ZNF385B: variants seen among roughly 807,000 people sequenced by gnomAD.
ZNF385B encodes zinc finger protein 385B, also known as zinc finger protein 533.
In ZNF385B, 23 loss-of-function variants were observed where a neutral mutation model predicts 39.2. The ratio of observed to expected loss-of-function variants is 0.59; its 90% confidence interval spans 0.42 to 0.83. The LOEUF (loss-of-function observed/expected upper bound fraction) is 0.83, where lower values mean the gene tolerates loss of function less well. Among genes scored for constraint, ZNF385B ranks in the 40% least tolerant of loss-of-function variants. The pLI is 0.00. For synonymous variants in ZNF385B, 205 were observed against 222.6 expected, an observed-to-expected ratio of 0.92 and a Z score of 0.70; for missense variants, 552 against 598.9, an observed-to-expected ratio of 0.92 and a Z score of 0.82.
chr2:179,654,001 G>A (rs1238030533), intron 3 of ZNF385B, among the ~76,000 whole-genome samples: 1 of 152,180 alleles, frequency 6.6e-6, no homozygotes, highest in Non-Finnish European at 1.5e-5. Context: ...GAAGGGTTAT[G>A]GGTCTGCCTC....
At chr2:179,587,067 A>T (rs1228938915) in intron 3 of ZNF385B, among the ~76,000 whole-genome samples, 1 of 152,018 alleles carries the variant, frequency 6.6e-6, no homozygotes, top group Non-Finnish European at 1.5e-5. Context: ...AATTATGTAT[A>T]ATTTTACTTT....
intron 3 of ZNF385B, among the ~76,000 whole-genome samples, chr2:179,749,486 C>G (rs1397516456): frequency 1.3e-5 from 2 of 152,242 alleles, no homozygotes; most frequent in South Asian, 2.1e-4. Context: ...ATATGGTCAG[C>G]TGTAACATTC....
At chr2:179,627,806 G>GTT (rs71401751) in intron 3 of ZNF385B, among the ~76,000 whole-genome samples, 30 of 150,744 alleles carry the variant, frequency 2.0e-4, no homozygotes, top group Admixed American at 4.6e-4. Context: ...TATTGATCAA[G>GTT]TTTTTTTTTT....
At chr2:179,463,168 A>G (rs950737180) in intron 6 of ZNF385B, among the ~76,000 whole-genome samples, 1 of 152,078 alleles carries the variant, frequency 6.6e-6, no homozygotes, top group African/African-American at 2.4e-5. Context: ...TGGAAGTTTT[A>G]TCCTTGTTCT....
intron 1 of ZNF385B, among the ~76,000 whole-genome samples, chr2:179,842,581 G>A (rs1575587160): frequency 6.6e-6 from 1 of 152,084 alleles, no homozygotes; most frequent in Admixed American, 6.6e-5. Context: ...CTCTTTCATA[G>A]ATTGAGTTTC....
At chr2:179,761,752 TTTTC>T in intron 3 of ZNF385B, among the ~76,000 whole-genome samples, 2 of 140,284 alleles carry the variant, frequency 1.4e-5, no homozygotes, top group Admixed American at 1.6e-4. Context: ...CTAACATTTT[TTTTC>T]TTTTCTTTTT....
intron 3 of ZNF385B, among the ~76,000 whole-genome samples, chr2:179,686,834 T>C (rs1697958864): frequency 6.6e-6 from 1 of 152,138 alleles, no homozygotes; most frequent in Non-Finnish European, 1.5e-5. Flanking sequence ...TGTTTAGAAA[T>C]ACATATCTTA....
chr2:179,574,596 A>C (rs1685595140), intron 3 of ZNF385B, among the ~76,000 whole-genome samples: 1 of 152,158 alleles, frequency 6.6e-6, no homozygotes, highest in Non-Finnish European at 1.5e-5. Context: ...GTAGCTACTT[A>C]CAGGAAAAGA....
chr2:179,529,054 C>A (rs560838047), intron 4 of ZNF385B, among the ~76,000 whole-genome samples: 1 of 152,194 alleles, frequency 6.6e-6, no homozygotes, highest in Admixed American at 6.5e-5. Flanking sequence ...CACTAACACA[C>A]AACACCCAGC....
In ZNF385B at chr2:179,582,508, G is replaced by T. The variant is rs115007591; in HGVS notation, c.299-37539C>A. On this transcript the variant is annotated intron_variant, in intron 3 of 9. Transcript: ENST00000410066. ...ATAACTCAGAAACAGATCAGATGGG[G>T]TTTTTTGAGTGTGCGCTCTCTTCCC... Among the ~76,000 whole-genome samples, 350 of 152,238 alleles carry T rather than the reference G, an allele frequency of 2.3e-3. 1 individual carries two copies. Among genetic ancestry groups the T allele is most frequent in the African/African-American group, 8.0e-3 (333 of 41,550 alleles).
intron 3 of ZNF385B, among the ~76,000 whole-genome samples, chr2:179,725,427 G>C (rs1238895281): frequency 6.6e-6 from 1 of 151,486 alleles, no homozygotes; most frequent in African/African-American, 2.4e-5. Flanking sequence ...AAACACATAC[G>C]TGCATGTATA....
chr2:179,683,383 A>G (rs1697681209), intron 3 of ZNF385B, among the ~76,000 whole-genome samples: 1 of 152,056 alleles, frequency 6.6e-6, no homozygotes, highest in Non-Finnish European at 1.5e-5. Flanking sequence ...GAGTGTCTCA[A>G]AAAAGAAAAA....
chr2:179,837,426 TGTTA>T (rs1294914962), intron 1 of ZNF385B, among the ~76,000 whole-genome samples: 1 of 152,232 alleles, frequency 6.6e-6, no homozygotes, highest in Non-Finnish European at 1.5e-5. Context: ...AAAGTATTAT[TGTTA>T]GTTAGTATTT....
At chr2:179,502,818 A>C (rs1186497855) in intron 5 of ZNF385B, among the ~76,000 whole-genome samples, 1 of 152,078 alleles carries the variant, frequency 6.6e-6, no homozygotes, top group African/African-American at 2.4e-5. Flanking sequence ...ACCAAGTCCA[A>C]TAGATTTTAC....
intron 3 of ZNF385B, among the ~76,000 whole-genome samples, chr2:179,711,754 A>G (rs1349200714): frequency 6.6e-6 from 1 of 152,024 alleles, no homozygotes; most frequent in Non-Finnish European, 1.5e-5. Context: ...TGGTATATAA[A>G]CTGCATTTTT....
intron 3 of ZNF385B, among the ~76,000 whole-genome samples, chr2:179,656,706 AT>A (rs1166511271): frequency 6.6e-6 from 1 of 151,882 alleles, no homozygotes; most frequent in Non-Finnish European, 1.5e-5. Context: ...CTTCTTAGAC[AT>A]TTTTTTCATA....
At chr2:179,531,456 C>T (rs1276556599) in intron 4 of ZNF385B, among the ~76,000 whole-genome samples, 9 of 151,814 alleles carry the variant, frequency 5.9e-5, no homozygotes, top group Non-Finnish European at 1.0e-4. Context: ...GCCAACATGG[C>T]AAAACCCCAT....
intron 3 of ZNF385B, among the ~76,000 whole-genome samples, chr2:179,565,791 C>T (rs1472160047): frequency 6.6e-6 from 1 of 152,262 alleles, no homozygotes; most frequent in East Asian, 1.9e-4. Flanking sequence ...GAAGCCTTCC[C>T]TCTTTTTTCA....
At chr2:179,511,529 A>G (rs1244915339) in intron 5 of ZNF385B, among the ~76,000 whole-genome samples, 2 of 152,230 alleles carry the variant, frequency 1.3e-5, no homozygotes, top group African/African-American at 4.8e-5. Flanking sequence ...ATGCATAGTG[A>G]GGTGGTATTA....
Sources: gnomAD v4.1 joint callset for allele counts (sites outside exome capture counted in the v4.1 genomes callset) on GRCh38, gnomAD v4.1.1 for gene constraint, MANE v1.5 for transcripts, NCBI Gene and HGNC (gene_info 2026-07-23, HGNC 2026-07-21) for gene names.